Variants in MDGA2 observed in about 807,000 individuals in gnomAD.
The protein encoded by MDGA2 is MAM domain-containing glycosylphosphatidylinositol anchor protein 2.
In MDGA2, 40 loss-of-function variants were observed where a neutral mutation model predicts 117.8. The ratio of observed to expected loss-of-function variants is 0.34; its 90% CI spans 0.26 to 0.44. MDGA2 has a LOEUF of 0.44. Among genes scored for constraint, MDGA2 ranks in the 20% least tolerant of loss-of-function variants. The pLI, the probability that MDGA2 is intolerant of heterozygous loss-of-function variation, is 1.00. For missense variants in MDGA2, 1,123 were observed against 1,250.6 expected (o/e 0.90, Z 1.54); for synonymous variants, 452 against 439.0 (o/e 1.03, Z -0.37).
chr14:47,314,512 G>A (rs909585780), intron 1 of MDGA2, among the ~76,000 whole-genome samples: 13 of 151,780 alleles, frequency 8.6e-5, no homozygotes, highest in African/African-American at 2.2e-4. Context: ...ACCTTATCTC[G>A]ACAAAAGAAA....
chr14:47,078,533 A>G (rs1890580915), intron 6 of MDGA2, among the ~76,000 whole-genome samples: 2 of 152,146 alleles, frequency 1.3e-5, no homozygotes, highest in Non-Finnish European at 2.9e-5. Context: ...TATAAATCCA[A>G]TTTAGACATT....
intron 1 of MDGA2, among the ~76,000 whole-genome samples, chr14:47,435,659 T>C (rs1346402598): frequency 6.6e-6 from 1 of 152,138 alleles, no homozygotes; most frequent in Non-Finnish European, 1.5e-5. Flanking sequence ...CCATTTGCAT[T>C]CATGGTAACA....
chr14:47,611,196 T>C (rs1046882418), intron 1 of MDGA2, among the ~76,000 whole-genome samples: 1 of 152,006 alleles, frequency 6.6e-6, no homozygotes. Context: ...TCACCTTATA[T>C]AAAAATCACC....
chr14:47,450,023 C>A (rs758165917), intron 1 of MDGA2, among the ~76,000 whole-genome samples: 6 of 152,024 alleles, frequency 3.9e-5, no homozygotes, highest in Non-Finnish European at 7.4e-5. Context: ...AGAAGTGATA[C>A]ATTTATTGTG....
At chr14:47,254,875 G>A (rs1266390326) in intron 2 of MDGA2, among the ~76,000 whole-genome samples, 1 of 152,176 alleles carries the variant, frequency 6.6e-6, no homozygotes, top group African/African-American at 2.4e-5. Context: ...GGAAGAGGAA[G>A]CAAACATATT....
intron 8 of MDGA2, among the ~76,000 whole-genome samples, chr14:46,975,388 C>A (rs1373590415): frequency 6.6e-6 from 1 of 152,050 alleles, no homozygotes; most frequent in African/African-American, 2.4e-5. Context: ...TATATTTGTA[C>A]AGCCAGGTTC....
intron 1 of MDGA2, among the ~76,000 whole-genome samples, chr14:47,341,060 ACAG>A: frequency 1.3e-5 from 2 of 152,266 alleles, no homozygotes; most frequent in Middle Eastern, 6.8e-3. Context: ...TCACATTTTA[ACAG>A]CAGCTTGTTG....
chr14:47,111,749 C>T (rs1881049720), intron 5 of MDGA2, among the ~76,000 whole-genome samples: 1 of 152,096 alleles, frequency 6.6e-6, no homozygotes, highest in African/African-American at 2.4e-5. Flanking sequence ...AGTTGGTAAT[C>T]TGCCAGCAAG....
intron 9 of MDGA2, among the ~76,000 whole-genome samples, chr14:46,931,314 A>G (rs1009921625): frequency 2.6e-5 from 4 of 151,478 alleles, no homozygotes; most frequent in African/African-American, 9.7e-5. Flanking sequence ...CTTCTTACAG[A>G]GTTGTTATCA....
At chr14:47,164,957 T>A (rs968210431) in intron 3 of MDGA2, among the ~76,000 whole-genome samples, 1 of 152,168 alleles carries the variant, frequency 6.6e-6, no homozygotes, top group African/African-American at 2.4e-5. Context: ...TGTAGGGACT[T>A]GGATGAAGCT....
chr14:47,154,652 G>A (rs1883296569), intron 3 of MDGA2, among the ~76,000 whole-genome samples: 1 of 152,200 alleles, frequency 6.6e-6, no homozygotes. Flanking sequence ...TATGATGCTA[G>A]GGTCGGTACT....
At chr14:46,967,963 T>C (rs531170262) in intron 8 of MDGA2, among the ~76,000 whole-genome samples, 83 of 151,944 alleles carry the variant, frequency 5.5e-4, no homozygotes, top group Non-Finnish European at 1.1e-3. Context: ...AGTGAGTGAC[T>C]GACCCCCAGG....
At position 46,997,335 on chromosome 14, in the gene MDGA2, C is replaced by G. The variant is rs569198893; in HGVS notation, c.1819+37676G>C. ...TGGCATCCTTATGAAATTGCCTAGTCTTCTGTTTTTGCTTCTTGACTTTTT... is the reference window on the plus strand; with the variant it reads ...TGGCATCCTTATGAAATTGCCTAGTGTTCTGTTTTTGCTTCTTGACTTTTT... On this transcript the variant is annotated intron_variant, in intron 8 of 16. Coordinates refer to ENST00000399232, the MANE Select transcript of MDGA2 (RefSeq NM_001113498.3). Among the ~76,000 whole-genome samples, 117 of 152,236 alleles carry G rather than the reference C, an allele frequency of 7.7e-4. 2 individuals carry two copies. Among genetic ancestry groups the G allele is most frequent in the African/African-American group, 2.7e-3 (111 of 41,568 alleles).
At chr14:47,189,056 AGCTCACTTAATTT>A (rs1339238296) in intron 3 of MDGA2, among the ~76,000 whole-genome samples, 1 of 152,240 alleles carries the variant, frequency 6.6e-6, no homozygotes, top group African/African-American at 2.4e-5. Context: ...TGTTGGTGAC[AGCTCACTTAATTT>A]GAGGTATTTT....
At chr14:47,390,813 G>T (rs1418796584) in intron 1 of MDGA2, among the ~76,000 whole-genome samples, 1 of 152,038 alleles carries the variant, frequency 6.6e-6, no homozygotes, top group Admixed American at 6.6e-5. Context: ...ATCTGCTCCT[G>T]GTTTCCGGGA....
intron 1 of MDGA2, among the ~76,000 whole-genome samples, chr14:47,372,194 A>C (rs1891375308): frequency 6.6e-6 from 1 of 151,830 alleles, no homozygotes; most frequent in African/African-American, 2.4e-5. Context: ...CAGCAGGCAG[A>C]AAAAGTGTTT....
At chr14:47,460,539 T>G (rs982556141) in intron 1 of MDGA2, among the ~76,000 whole-genome samples, 4 of 152,134 alleles carry the variant, frequency 2.6e-5, no homozygotes, top group South Asian at 2.1e-4. Flanking sequence ...GGGAAAAAGA[T>G]ATATAAATTT....
chr14:47,173,735 C>G (rs1458527828), intron 3 of MDGA2, among the ~76,000 whole-genome samples: 10 of 151,892 alleles, frequency 6.6e-5, no homozygotes, highest in South Asian at 2.1e-4. Context: ...GAAGAAACTG[C>G]ATCAACTAAC....
intron 8 of MDGA2, among the ~76,000 whole-genome samples, chr14:46,959,530 CT>C (rs71112474): frequency 3.3e-5 from 5 of 151,916 alleles, no homozygotes; most frequent in East Asian, 3.9e-4. Context: ...GTCTGTCAAT[CT>C]TTTTTTAACC....
Sources: allele counts gnomAD v4.1 joint callset (sites outside exome capture counted in the v4.1 genomes callset), GRCh38; gene constraint gnomAD v4.1.1; transcripts MANE v1.5; gene names NCBI Gene and HGNC (gene_info 2026-07-23, HGNC 2026-07-21).